The following PDE8B variants were observed in gnomAD, a reference collection of about 807,000 sequenced individuals.
The protein encoded by PDE8B is high affinity cAMP-specific and IBMX-insensitive 3',5'-cyclic phosphodiesterase 8B.
In PDE8B, 26 loss-of-function variants were observed where a neutral mutation model predicts 101.3. The ratio of observed to expected loss-of-function variants is 0.26; its 90% CI spans 0.19 to 0.36. PDE8B has a LOEUF of 0.36. Among genes scored for constraint, PDE8B ranks in the 10% least tolerant of loss-of-function variants. PDE8B has a pLI of 1.00. For synonymous variants in PDE8B, 424 were observed against 429.3 expected (o/e 0.99, Z 0.15); for missense variants, 810 against 1,163.1 (o/e 0.70, Z 4.42).
intron 17 of PDE8B, among the ~76,000 whole-genome samples, chr5:77,414,204 G>A (rs1219318348): frequency 6.6e-6 from 1 of 152,080 alleles, no homozygotes; most frequent in Non-Finnish European, 1.5e-5. Context: ...GGGGTATGTG[G>A]GTAAGGTTTT....
At chr5:77,089,719 A>G in the PDE8B span, among the ~76,000 whole-genome samples, 2 of 152,258 alleles carry the variant, frequency 1.3e-5, no homozygotes, top group African/African-American at 2.4e-5. Flanking sequence ...CCATACACCC[A>G]TTATGGAAAA....
chr5:77,302,718 G>A (rs1160409289), intron 1 of PDE8B, among the ~76,000 whole-genome samples: 1 of 152,170 alleles, frequency 6.6e-6, no homozygotes, highest in Non-Finnish European at 1.5e-5. Flanking sequence ...TAAGAGCATG[G>A]CCTTCCCAGT....
At chr5:77,358,494 T>A in intron 10 of PDE8B, 3 of 951,788 alleles carry the variant, frequency 3.2e-6, no homozygotes, top group Non-Finnish European at 3.8e-6. Flanking sequence ...GGGTTATGCC[T>A]CTTCGTACTT....
intron 3 of PDE8B, among the ~76,000 whole-genome samples, chr5:77,327,099 G>A (rs913512922): frequency 1.3e-5 from 2 of 152,184 alleles, no homozygotes; most frequent in East Asian, 3.8e-4. Context: ...TATTGGTCTT[G>A]TTGAGGGTGG....
At chr5:77,286,694 A>C (rs1274324578) in intron 1 of PDE8B, among the ~76,000 whole-genome samples, 1 of 152,190 alleles carries the variant, frequency 6.6e-6, no homozygotes, top group Non-Finnish European at 1.5e-5. Flanking sequence ...CATTAAATAT[A>C]ATTAGTCATG....
At chr5:77,416,638 T>C (rs1024595896) in intron 17 of PDE8B, among the ~76,000 whole-genome samples, 1 of 152,208 alleles carries the variant, frequency 6.6e-6, no homozygotes, top group Non-Finnish European at 1.5e-5. Context: ...ACCAGCTCCA[T>C]GGGGTCAGCG....
At chr5:77,256,530 G>A (rs1759211336) in intron 1 of PDE8B, among the ~76,000 whole-genome samples, 1 of 152,162 alleles carries the variant, frequency 6.6e-6, no homozygotes, top group Non-Finnish European at 1.5e-5. Flanking sequence ...GTTGTTTCCA[G>A]TTTTTTAGTG....
the PDE8B span, among the ~76,000 whole-genome samples, chr5:77,123,095 A>T: frequency 6.6e-6 from 1 of 152,186 alleles, no homozygotes; most frequent in Non-Finnish European, 1.5e-5. Context: ...CAAATACCTG[A>T]GACTACTTAG....
intron 1 of PDE8B, among the ~76,000 whole-genome samples, chr5:77,248,882 A>G (rs897547844): frequency 6.6e-6 from 1 of 152,196 alleles, no homozygotes; most frequent in Admixed American, 6.5e-5. Context: ...GACACCAGAA[A>G]GCTACTCCCC....
chr5:77,216,211 A>G (rs1749673704), intron 1 of PDE8B, among the ~76,000 whole-genome samples: 1 of 152,216 alleles, frequency 6.6e-6, no homozygotes, highest in Admixed American at 6.5e-5. Context: ...CCTAGGCTAG[A>G]AAAAGAGGGA....
At chr5:77,419,621 C>G in intron 18 of PDE8B, 146 bp from the exon 19 acceptor site, 1 of 875,812 alleles carries the variant, frequency 1.1e-6, no homozygotes, top group South Asian at 1.4e-5. Context: ...ACTGGGAGGA[C>G]GAGCTCTTCT....
At chr5:77,138,829 C>A in the PDE8B span, among the ~76,000 whole-genome samples, 9 of 152,184 alleles carry the variant, frequency 5.9e-5, no homozygotes, top group East Asian at 1.7e-3. Flanking sequence ...AAACATTAGC[C>A]ATAATCCAAA....
chr5:77,205,713 G>A (rs750287285), upstream of PDE8B, among the ~76,000 whole-genome samples: 9 of 152,066 alleles, frequency 5.9e-5, no homozygotes, highest in South Asian at 2.1e-4. Context: ...TAAATTTGTC[G>A]TTTCTTGTCT....
the PDE8B span, among the ~76,000 whole-genome samples, chr5:77,097,685 T>TTATATATATATATA: frequency 7.4e-3 from 133 of 18,056 alleles, 10 homozygotes; most frequent in Non-Finnish European, 0.012. Context: ...TGTGGAGATT[T>TTATATATATATATA]TATATATCTA....
intron 1 of PDE8B, among the ~76,000 whole-genome samples, chr5:77,266,954 T>C (rs913316316): frequency 4.6e-5 from 7 of 152,176 alleles, no homozygotes; most frequent in Admixed American, 6.5e-5. Context: ...CAGATTCATC[T>C]TCAAGATTTT....
At chr5:77,331,220 C>A in intron 4 of PDE8B, 182 bp from the exon 5 acceptor site, 2 of 716,790 alleles carry the variant, frequency 2.8e-6, no homozygotes, top group Non-Finnish European at 2.6e-6. Flanking sequence ...GTTCTTTTTG[C>A]ATCTGGAAGG....
At chr5:77,136,880 A>G in the PDE8B span, among the ~76,000 whole-genome samples, 1 of 152,196 alleles carries the variant, frequency 6.6e-6, no homozygotes, top group Non-Finnish European at 1.5e-5. Flanking sequence ...AAGGGTTTTC[A>G]TCACTTTTTT....
At chr5:77,228,613 A>G (rs1752926427) in intron 1 of PDE8B, among the ~76,000 whole-genome samples, 1 of 152,142 alleles carries the variant, frequency 6.6e-6, no homozygotes, top group Non-Finnish European at 1.5e-5. Flanking sequence ...TTGAGGGGGT[A>G]AAATACCTGA....
At chr5:77,328,272 G>C (rs1776439134) in intron 3 of PDE8B, among the ~76,000 whole-genome samples, 2 of 152,010 alleles carry the variant, frequency 1.3e-5, no homozygotes, top group African/African-American at 4.8e-5. Flanking sequence ...GCTGTAGCAT[G>C]GCACAGCTAA....
Sources: allele counts gnomAD v4.1 joint callset (sites outside exome capture counted in the v4.1 genomes callset), GRCh38; gene constraint gnomAD v4.1.1; transcripts MANE v1.5; gene names NCBI Gene and HGNC (gene_info 2026-07-23, HGNC 2026-07-21).